Variants in DENND5B observed in about 807,000 individuals in gnomAD.
DENND5B encodes DENN domain-containing protein 5B.
Under a neutral mutation model 140.6 loss-of-function variants are expected in DENND5B, and 34 were observed. The observed-to-expected ratio is 0.24, with a 90% CI of 0.18 to 0.32. The LOEUF (loss-of-function observed/expected upper bound fraction) is 0.32. DENND5B is among the 10% of genes least tolerant of loss of function. DENND5B has a pLI of 1.00. For synonymous variants in DENND5B, 551 were observed against 562.1 expected, an observed-to-expected ratio of 0.98 and a Z score of 0.28; for missense variants, 1,142 against 1,560.2, an observed-to-expected ratio of 0.73 and a Z score of 4.52.
chr12:31,433,126 G>A (rs769274604), intron 8 of DENND5B, 29 bp downstream of exon 8: 4 of 1,599,288 alleles, frequency 2.5e-6, no homozygotes, highest in African/African-American at 1.3e-5. Flanking sequence ...CGCTTGCTGT[G>A]AGGCACCCCA....
At chr12:31,500,445 C>T (rs776440469) in intron 1 of DENND5B, 6 of 444,046 alleles carry the variant, frequency 1.4e-5, no homozygotes, top group Admixed American at 5.0e-5. Context: ...TTCGGGAGGC[C>T]GAGGCAGGTG....
chr12:31,539,871 T>C (rs1473210601), intron 1 of DENND5B, among the ~76,000 whole-genome samples: 1 of 151,982 alleles, frequency 6.6e-6, no homozygotes. Context: ...CTAGAAGTCC[T>C]AGCTAGAGCA....
At chr12:31,483,993 A>T (rs1946189535) in intron 2 of DENND5B, among the ~76,000 whole-genome samples, 1 of 150,952 alleles carries the variant, frequency 6.6e-6, no homozygotes, top group African/African-American at 2.4e-5. Context: ...AGCTGGGACT[A>T]CAGGCCTGCA....
intron 7 of DENND5B, among the ~76,000 whole-genome samples, chr12:31,442,494 T>C (rs1168840713): frequency 6.6e-6 from 1 of 152,142 alleles, no homozygotes; most frequent in Non-Finnish European, 1.5e-5. Flanking sequence ...ATTATCATTA[T>C]ATTTAAATCG....
At chr12:31,557,324 A>G (rs1949319773) in intron 1 of DENND5B, among the ~76,000 whole-genome samples, 1 of 152,096 alleles carries the variant, frequency 6.6e-6, no homozygotes. Context: ...GTATTGCTTA[A>G]ATTTTCTATA....
intron 8 of DENND5B, 69 bp downstream of exon 8, chr12:31,433,086 T>A: frequency 7.9e-7 from 1 of 1,261,714 alleles, no homozygotes; most frequent in Non-Finnish European, 1.1e-6. Flanking sequence ...CACAATGACA[T>A]CTGCTGGAAG....
At chr12:31,407,409 T>C (rs1272474166) in intron 14 of DENND5B, among the ~76,000 whole-genome samples, 1 of 152,102 alleles carries the variant, frequency 6.6e-6, no homozygotes, top group Non-Finnish European at 1.5e-5. Flanking sequence ...GATTACAGGC[T>C]TGAGCCACCG....
chr12:31,558,681 A>C (rs192359253), intron 1 of DENND5B, among the ~76,000 whole-genome samples: 3 of 152,354 alleles, frequency 2.0e-5, no homozygotes, highest in Non-Finnish European at 4.4e-5. Flanking sequence ...CACAACACTG[A>C]ATCAACTCCC....
At chr12:31,583,705 AAACAAC>A (rs201934085) in intron 1 of DENND5B, among the ~76,000 whole-genome samples, 2 of 151,318 alleles carry the variant, frequency 1.3e-5, no homozygotes, top group Non-Finnish European at 3.0e-5. Context: ...AAACAAAAAC[AAACAAC>A]AACAACAACA....
intron 14 of DENND5B, among the ~76,000 whole-genome samples, chr12:31,403,288 C>A (rs1354204082): frequency 6.6e-6 from 1 of 152,138 alleles, no homozygotes; most frequent in Non-Finnish European, 1.5e-5. Flanking sequence ...GAGGCTCTTC[C>A]ACAGACAGAC....
intron 17 of DENND5B, among the ~76,000 whole-genome samples, chr12:31,396,079 G>A (rs80164328): frequency 3.7e-5 from 1 of 27,000 alleles, no homozygotes; most frequent in Non-Finnish European, 9.0e-5. Flanking sequence ...TTTTTTTTTT[G>A]AGACGGAGTC....
At chr12:31,501,337 G>T (rs7295154) in intron 1 of DENND5B, among the ~76,000 whole-genome samples, 28,166 of 152,130 alleles carry the variant, frequency 0.19, 3,612 homozygotes, top group Admixed American at 0.39. Context: ...CGCCACAATT[G>T]TAAGTTTCCT....
intron 14 of DENND5B, among the ~76,000 whole-genome samples, chr12:31,409,014 C>G (rs114334576): frequency 6.6e-6 from 1 of 152,188 alleles, no homozygotes; most frequent in Admixed American, 6.5e-5. Context: ...GGGATGCTGG[C>G]TGGAACTGAC....
intron 14 of DENND5B, among the ~76,000 whole-genome samples, chr12:31,407,853 A>T (rs575154032): frequency 6.6e-6 from 1 of 152,306 alleles, no homozygotes; most frequent in East Asian, 1.9e-4. Flanking sequence ...GCTGTAAACC[A>T]CTGGTTTTCA....
At chr12:31,575,229 C>T (rs1349791012) in intron 1 of DENND5B, among the ~76,000 whole-genome samples, 1 of 152,178 alleles carries the variant, frequency 6.6e-6, no homozygotes, top group Non-Finnish European at 1.5e-5. Flanking sequence ...AAATAGAAAA[C>T]ACTGTGGTTC....
rs1353405161 is a variant in DENND5B, at chr12:31,424,762, G to T, written c.2239-75C>A. The T allele has an allele frequency of 1.9e-6, 3 of 1,546,078 alleles. No individual in the cohort carries two copies. The African/African-American group carries it at 4.1e-5, about 21-fold the overall frequency. ...ACCAACAAGTCAATTACTAAAGTAG[G>T]AGACTTGGTTTCCCTTCATTATACT... On this transcript the variant is annotated intron_variant, in intron 9 of 20. Transcript: ENST00000389082.
intron 4 of DENND5B, among the ~76,000 whole-genome samples, chr12:31,453,706 G>A (rs1944641433): frequency 6.6e-6 from 1 of 152,144 alleles, no homozygotes. Context: ...AATTCACACT[G>A]CTCTCTGATC....
intron 1 of DENND5B, among the ~76,000 whole-genome samples, chr12:31,560,222 T>G (rs1681992105): frequency 6.6e-6 from 1 of 152,230 alleles, no homozygotes; most frequent in Non-Finnish European, 1.5e-5. Context: ...AATGGATTCC[T>G]GAGCTGTGCC....
Position 31,399,658 on chromosome 12 carries a change from A to G in DENND5B, c.3064T>C (p.Tyr1022His). 1 of 1,612,646 alleles carries G rather than the reference A, an allele frequency of 6.2e-7. No individual in the cohort carries two copies. The highest frequency in any genetic ancestry group is 1.7e-5 in the Admixed American group (1 of 59,980). Reference protein sequence around the residue: ...MVRNEITGHTYRFPCGRWLGK... With the variant: ...MVRNEITGHTHRFPCGRWLGK... Reference sequence around the variant, plus strand: ...TTCCCAAGGCCATTTACTTACCTGTATGTATGTCCTGTGATTTCATTTCTG... The same window carrying G: ...TTCCCAAGGCCATTTACTTACCTGTGTGTATGTCCTGTGATTTCATTTCTG... The change falls in exon 16 of 21, where the codon TAC (tyrosine) becomes CAC (histidine). Residue 1022 changes from tyrosine (Y) to histidine (H), a missense_variant. By Grantham distance (83) the Tyr-to-His change is moderately conservative (BLOSUM62 2). Transcript: ENST00000389082.
Sources: gnomAD v4.1 joint callset for allele counts (sites outside exome capture counted in the v4.1 genomes callset) on GRCh38, gnomAD v4.1.1 for gene constraint, MANE v1.5 for transcripts, NCBI Gene and HGNC (gene_info 2026-07-23, HGNC 2026-07-21) for gene names.